CNTN5: variants seen among roughly 807,000 people sequenced by gnomAD.
CNTN5 encodes the protein contactin 5, also known as contactin-5.
A neutral mutation model predicts 129.1 loss-of-function variants in CNTN5; 77 were observed. The ratio of observed to expected loss-of-function variants is 0.60; its 90% CI spans 0.50 to 0.72. The LOEUF is 0.72. Among genes scored for constraint, CNTN5 ranks in the 30% least tolerant of loss-of-function variants. CNTN5 has a pLI of 0.00. For synonymous variants in CNTN5, 509 were observed against 465.6 expected (o/e 1.09, Z -1.20); for missense variants, 1,478 against 1,328.8 (o/e 1.11, Z -1.75).
At chr11:99,498,032 G>A (rs1168900189) in intron 2 of CNTN5, among the ~76,000 whole-genome samples, 2 of 152,066 alleles carry the variant, frequency 1.3e-5, no homozygotes, top group African/African-American at 2.4e-5. Flanking sequence ...GTGTTCAGGC[G>A]TATAGTCTTG....
At chr11:100,240,239 A>C (rs776632982) in intron 16 of CNTN5, among the ~76,000 whole-genome samples, 91 of 138,380 alleles carry the variant, frequency 6.6e-4, no homozygotes, top group African/African-American at 1.5e-3. Context: ...ACACCCCCCG[A>C]CCCCCGCCAG....
intron 7 of CNTN5, among the ~76,000 whole-genome samples, chr11:99,952,929 T>A (rs1269372601): frequency 1.3e-5 from 2 of 152,172 alleles, no homozygotes; most frequent in Admixed American, 1.3e-4. Context: ...CCTGGGACAG[T>A]TTCGTTATTA....
rs909964276 is a variant in CNTN5, at chr11:100,340,367, G to C, written c.2731-96G>C. ...TAGGAGTGATTTCTTCCTATGGGTG[G>C]ACTCCAGCAACATCCAAAAAAGAGA... On this transcript the variant is annotated intron_variant, in intron 21 of 24. Transcript: ENST00000524871. 3 of 814,166 alleles carry C rather than the reference G, an allele frequency of 3.7e-6. No homozygotes were observed. The African/African-American group carries it at 5.2e-5, about 14-fold the overall frequency. 50.4% of individuals were successfully genotyped at this position (814,166 alleles called of 1,614,324 possible).
intron 1 of CNTN5, among the ~76,000 whole-genome samples, chr11:99,298,086 G>A (rs1036563843): frequency 2.6e-5 from 4 of 152,092 alleles, no homozygotes; most frequent in South Asian, 2.1e-4. Context: ...GAGATTAAAG[G>A]ACCCAAGTGG....
At chr11:99,256,004 A>T (rs1483929166) in intron 1 of CNTN5, among the ~76,000 whole-genome samples, 3 of 152,154 alleles carry the variant, frequency 2.0e-5, no homozygotes, top group Non-Finnish European at 2.9e-5. Flanking sequence ...AAAATCAAAA[A>T]TGATCAGTAG....
chr11:99,747,413 T>G (rs1050372299), intron 3 of CNTN5, among the ~76,000 whole-genome samples: 5 of 151,240 alleles, frequency 3.3e-5, no homozygotes, highest in Admixed American at 2.0e-4. Context: ...TTTCCTTGCC[T>G]AGCCTGGCTG....
intron 2 of CNTN5, among the ~76,000 whole-genome samples, chr11:99,421,939 T>A (rs1942906477): frequency 6.6e-6 from 1 of 151,944 alleles, no homozygotes; most frequent in South Asian, 2.1e-4. Flanking sequence ...ATTTTCAGAG[T>A]CAAATTTTGT....
intron 1 of CNTN5, among the ~76,000 whole-genome samples, chr11:99,318,221 A>G (rs371054823): frequency 6.6e-6 from 1 of 152,212 alleles, no homozygotes; most frequent in Non-Finnish European, 1.5e-5. Flanking sequence ...AAGAAAGTCT[A>G]TAATTAAGCA....
chr11:99,109,227 A>C (rs1466542788), intron 1 of CNTN5, among the ~76,000 whole-genome samples: 1 of 151,852 alleles, frequency 6.6e-6, no homozygotes, highest in African/African-American at 2.4e-5. Context: ...AATCCAATAT[A>C]ATATATTTTA....
At chr11:99,268,499 AG>A (rs1863014624) in intron 1 of CNTN5, among the ~76,000 whole-genome samples, 1 of 151,898 alleles carries the variant, frequency 6.6e-6, no homozygotes, top group South Asian at 2.1e-4. Context: ...TACTGCAAAA[AG>A]GTCATTATTA....
chr11:99,989,184 C>G (rs1408696559), intron 8 of CNTN5, among the ~76,000 whole-genome samples: 1 of 152,018 alleles, frequency 6.6e-6, no homozygotes, highest in Non-Finnish European at 1.5e-5. Context: ...GTGCAAGAGT[C>G]CCATAGAAGT....
chr11:100,317,256 C>A (rs1951589408), intron 21 of CNTN5, among the ~76,000 whole-genome samples: 1 of 152,080 alleles, frequency 6.6e-6, no homozygotes, highest in African/African-American at 2.4e-5. Context: ...ATAACTCATG[C>A]TGGGCAGATT....
chr11:100,278,839 A>G (rs1013007074), intron 18 of CNTN5, among the ~76,000 whole-genome samples: 4 of 151,962 alleles, frequency 2.6e-5, no homozygotes, highest in African/African-American at 4.8e-5. Flanking sequence ...TTCCAGTACT[A>G]TGCTGAAAAA....
At chr11:99,442,215 C>G (rs1565585429) in intron 2 of CNTN5, among the ~76,000 whole-genome samples, 1 of 152,068 alleles carries the variant, frequency 6.6e-6, no homozygotes, top group Non-Finnish European at 1.5e-5. Flanking sequence ...CTCTCTTGCC[C>G]AGGCTGGAGT....
At chr11:99,638,939 C>T (rs1951665648) in intron 3 of CNTN5, among the ~76,000 whole-genome samples, 1 of 152,150 alleles carries the variant, frequency 6.6e-6, no homozygotes, top group Admixed American at 6.5e-5. Context: ...CTAGGCAGTG[C>T]CCCAGTAGGG....
intron 9 of CNTN5, among the ~76,000 whole-genome samples, chr11:100,002,985 C>T (rs1159771): frequency 0.057 from 8,593 of 151,782 alleles, 278 homozygotes; most frequent in Non-Finnish European, 0.076. Context: ...ATAAAGTACT[C>T]GGAGATAAAG....
At chr11:99,331,475 G>C (rs2136027118) in intron 2 of CNTN5, among the ~76,000 whole-genome samples, 1 of 152,068 alleles carries the variant, frequency 6.6e-6, no homozygotes, top group African/African-American at 2.4e-5. Context: ...AGATATTTTA[G>C]ACCCACAAAA....
At chr11:100,100,450 G>A (rs1207763054) in intron 13 of CNTN5, among the ~76,000 whole-genome samples, 1 of 152,008 alleles carries the variant, frequency 6.6e-6, no homozygotes, top group African/African-American at 2.4e-5. Context: ...TGTCCAGCTG[G>A]AGTTCTACAA....
chr11:99,725,282 T>C (rs991894669), intron 3 of CNTN5, among the ~76,000 whole-genome samples: 56 of 152,280 alleles, frequency 3.7e-4, no homozygotes, highest in African/African-American at 1.2e-3. Flanking sequence ...AGTGAAATTA[T>C]GCGTAGGTAT....
Sources: allele counts gnomAD v4.1 joint callset (sites outside exome capture counted in the v4.1 genomes callset), GRCh38; gene constraint gnomAD v4.1.1; transcripts MANE v1.5; gene names NCBI Gene and HGNC (gene_info 2026-07-23, HGNC 2026-07-21).